Variants in BRINP3 observed in about 807,000 individuals in gnomAD.
BRINP3 encodes the protein BMP/retinoic acid-inducible neural-specific protein 3.
A neutral mutation model predicts 71.0 loss-of-function variants in BRINP3; 19 were observed. That is an observed-to-expected ratio of 0.27 (90% CI 0.19 to 0.39). BRINP3 has a LOEUF of 0.39. BRINP3 is among the 10% of genes least tolerant of loss of function. The pLI, the probability that BRINP3 is intolerant of heterozygous loss-of-function variation, is 1.00. For missense variants in BRINP3, 959 were observed against 940.8 expected, an observed-to-expected ratio of 1.02 and a Z score of -0.25; for synonymous variants, 380 against 337.7, an observed-to-expected ratio of 1.13 and a Z score of -1.37.
At chr1:190,146,854 T>C (rs1655932264) in intron 7 of BRINP3, among the ~76,000 whole-genome samples, 1 of 152,054 alleles carries the variant, frequency 6.6e-6, no homozygotes. Context: ...ATAATTAGTA[T>C]TATATTGCAA....
chr1:190,377,033 A>C (rs2102224630), intron 2 of BRINP3, among the ~76,000 whole-genome samples: 1 of 152,140 alleles, frequency 6.6e-6, no homozygotes, highest in East Asian at 1.9e-4. Context: ...AGTGACTAGA[A>C]CAAATAAGAA....
intron 7 of BRINP3, among the ~76,000 whole-genome samples, chr1:190,158,779 A>C (rs1339734108): frequency 6.6e-6 from 1 of 151,926 alleles, no homozygotes; most frequent in African/African-American, 2.4e-5. Flanking sequence ...AAAATGAAAA[A>C]AATAATAAGG....
intron 2 of BRINP3, among the ~76,000 whole-genome samples, chr1:190,287,217 C>A (rs1663499117): frequency 6.6e-6 from 1 of 152,102 alleles, no homozygotes; most frequent in African/African-American, 2.4e-5. Flanking sequence ...CAGAGCGAGA[C>A]TCCATCTCAA....
intron 3 of BRINP3, among the ~76,000 whole-genome samples, chr1:190,272,971 T>C (rs1373267598): frequency 6.6e-6 from 1 of 151,414 alleles, no homozygotes; most frequent in Non-Finnish European, 1.5e-5. Flanking sequence ...TTATAAATCA[T>C]GGATTGTTGA....
chr1:190,202,240 T>A (rs1187567786), intron 6 of BRINP3, among the ~76,000 whole-genome samples: 1 of 152,134 alleles, frequency 6.6e-6, no homozygotes, highest in African/African-American at 2.4e-5. Context: ...AAGATTTGAC[T>A]TCCCCACTGG....
At chr1:190,243,922 T>TTATTG (rs1282500900) in intron 4 of BRINP3, among the ~76,000 whole-genome samples, 1 of 152,136 alleles carries the variant, frequency 6.6e-6, no homozygotes. Context: ...TTTTTAATCT[T>TTATTG]TATTGTTTTT....
Position 190,139,172 on chromosome 1 carries a change from G to A in BRINP3, c.1184+21496C>T, listed in dbSNP as rs535034961. 7.3e-4 allele frequency among the ~76,000 whole-genome samples: 111 copies of A among 151,816 alleles called. 1 individual carries two copies. Among genetic ancestry groups the A allele is most frequent in the Non-Finnish European group, 1.3e-3 (91 of 67,912 alleles). On this transcript the variant is annotated intron_variant, in intron 7 of 7. Coordinates refer to ENST00000367462, the MANE Select transcript of BRINP3 (RefSeq NM_199051.3). ...TAGAAAAAAAAAAAATGATCGGCCC[G>A]GAGCCGTGGCTCACACCTGTAATCC...
intron 4 of BRINP3, among the ~76,000 whole-genome samples, chr1:190,251,525 C>A (rs572697691): frequency 1.3e-5 from 2 of 151,876 alleles, no homozygotes; most frequent in Non-Finnish European, 2.9e-5. Flanking sequence ...TTCTCTTTGG[C>A]CTATTTCTGA....
At chr1:190,369,706 T>C (rs1669736599) in intron 2 of BRINP3, among the ~76,000 whole-genome samples, 1 of 152,118 alleles carries the variant, frequency 6.6e-6, no homozygotes, top group Admixed American at 6.5e-5. Flanking sequence ...TTATGTACTT[T>C]CTGTGACTAG....
intron 4 of BRINP3, among the ~76,000 whole-genome samples, chr1:190,241,604 G>T (rs997398440): frequency 1.3e-5 from 2 of 151,962 alleles, no homozygotes; most frequent in Non-Finnish European, 2.9e-5. Context: ...GAATGTACTG[G>T]TTAATATGAC....
intron 2 of BRINP3, among the ~76,000 whole-genome samples, chr1:190,370,711 A>C (rs1341829916): frequency 6.6e-6 from 1 of 152,224 alleles, no homozygotes; most frequent in African/African-American, 2.4e-5. Flanking sequence ...CTGCCACAGA[A>C]CTAGAACCTG....
At chr1:190,309,130 C>T (rs1391489861) in intron 2 of BRINP3, among the ~76,000 whole-genome samples, 1 of 151,730 alleles carries the variant, frequency 6.6e-6, no homozygotes, top group African/African-American at 2.4e-5. Flanking sequence ...TATGTTTGAA[C>T]TCATACTACG....
intron 2 of BRINP3, among the ~76,000 whole-genome samples, chr1:190,283,065 A>C (rs564262395): frequency 1.3e-5 from 2 of 152,156 alleles, no homozygotes; most frequent in South Asian, 4.1e-4. Flanking sequence ...ATGGATATTT[A>C]GTACTTGTGG....
chr1:190,352,938 G>A (rs973384368), intron 2 of BRINP3, among the ~76,000 whole-genome samples: 22 of 150,776 alleles, frequency 1.5e-4, no homozygotes, highest in Admixed American at 2.6e-4. Context: ...AATTGTGTCT[G>A]TATACTATTT....
intron 6 of BRINP3, among the ~76,000 whole-genome samples, chr1:190,204,526 A>G (rs1655323019): frequency 6.6e-6 from 1 of 151,912 alleles, no homozygotes. Flanking sequence ...GGAGATATAT[A>G]TTGGTAGCAA....
intron 6 of BRINP3, among the ~76,000 whole-genome samples, chr1:190,201,559 A>T (rs1044743006): frequency 6.6e-6 from 1 of 152,202 alleles, no homozygotes; most frequent in Non-Finnish European, 1.5e-5. Context: ...CCAGGGCATG[A>T]CACAGGACTT....
At chr1:190,272,509 C>G (rs969450050) in intron 3 of BRINP3, among the ~76,000 whole-genome samples, 4 of 151,368 alleles carry the variant, frequency 2.6e-5, no homozygotes, top group African/African-American at 9.7e-5. Context: ...CTCTACAGTA[C>G]CTGGTGGATT....
intron 4 of BRINP3, among the ~76,000 whole-genome samples, chr1:190,260,950 A>G (rs1426420962): frequency 1.3e-5 from 2 of 152,038 alleles, no homozygotes; most frequent in African/African-American, 4.8e-5. Context: ...TCTTTTCTAC[A>G]TTTCAAGAAT....
intron 3 of BRINP3, among the ~76,000 whole-genome samples, chr1:190,274,891 TTAGGA>T (rs1214612604): frequency 6.6e-6 from 1 of 151,548 alleles, no homozygotes; most frequent in Non-Finnish European, 1.5e-5. Flanking sequence ...ACCAAACATA[TTAGGA>T]TAGTTAAGAA....
Sources: gnomAD v4.1 joint callset for allele counts (sites outside exome capture counted in the v4.1 genomes callset) on GRCh38, gnomAD v4.1.1 for gene constraint, MANE v1.5 for transcripts, NCBI Gene and HGNC (gene_info 2026-07-23, HGNC 2026-07-21) for gene names.